GABRB1: variants seen among roughly 807,000 people sequenced by gnomAD.
The protein encoded by GABRB1 is gamma-aminobutyric acid receptor subunit beta-1.
In GABRB1, 17 loss-of-function variants were observed where a neutral mutation model predicts 51.6. The ratio of observed to expected loss-of-function variants is 0.33; its 90% CI spans 0.23 to 0.49. GABRB1 has a LOEUF of 0.49. Among genes scored for constraint, GABRB1 ranks in the 20% least tolerant of loss-of-function variants. The pLI is 0.99. For missense variants in GABRB1, 410 were observed against 600.6 expected (o/e 0.68, Z 3.32); for synonymous variants, 247 against 218.9 (o/e 1.13, Z -1.14).
intron 8 of GABRB1, among the ~76,000 whole-genome samples, chr4:47,418,007 G>A (rs1728983676): frequency 6.6e-6 from 1 of 152,158 alleles, no homozygotes; most frequent in Admixed American, 6.5e-5. Context: ...TGAGTGAGAT[G>A]GAAGGGGTGG....
intron 3 of GABRB1, among the ~76,000 whole-genome samples, chr4:47,146,315 T>C (rs1486901602): frequency 6.6e-6 from 1 of 152,024 alleles, no homozygotes; most frequent in African/African-American, 2.4e-5. Context: ...TCCCCCTCTC[T>C]CTCCCCCTTT....
intron 5 of GABRB1, among the ~76,000 whole-genome samples, chr4:47,358,998 T>C (rs1726698751): frequency 6.6e-6 from 1 of 152,092 alleles, no homozygotes; most frequent in African/African-American, 2.4e-5. Context: ...AGCTTAGGGA[T>C]GATGATGCCC....
chr4:47,183,840 C>G (rs1719057874), intron 4 of GABRB1, among the ~76,000 whole-genome samples: 1 of 151,796 alleles, frequency 6.6e-6, no homozygotes, highest in African/African-American at 2.4e-5. Flanking sequence ...TACCATAGAC[C>G]ACTTAATTTC....
intron 3 of GABRB1, among the ~76,000 whole-genome samples, chr4:47,120,867 T>C (rs1715746520): frequency 6.6e-6 from 1 of 151,936 alleles, no homozygotes; most frequent in Non-Finnish European, 1.5e-5. Flanking sequence ...TCCTTTTTAC[T>C]CTCCCCTCTC....
chr4:47,425,923 A>G lies in GABRB1; in HGVS notation c.1330A>G (p.Thr444Ala). The change falls in exon 9 of 9, where the codon ACT becomes GCT. Residue 444 changes from threonine (T) to alanine (A), a missense_variant. Coordinates refer to ENST00000295454, the MANE Select transcript of GABRB1 (RefSeq NM_000812.4). ...GCTCAAAGTCAAGATCCCCGACTTGACTGATGTGAATTCCATAGACAAGTG... is the reference window on the plus strand; with the variant it reads ...GCTCAAAGTCAAGATCCCCGACTTGGCTGATGTGAATTCCATAGACAAGTG... Reference protein sequence around the residue: ...SQLKVKIPDLTDVNSIDKWSR... With the variant: ...SQLKVKIPDLADVNSIDKWSR... 1 of 1,614,086 alleles carries G rather than the reference A, an allele frequency of 6.2e-7. No homozygotes were observed. Among genetic ancestry groups the G allele is most frequent in the Non-Finnish European group, 8.5e-7 (1 of 1,179,968 alleles).
chr4:47,209,180 C>T (rs1465995102), intron 4 of GABRB1, among the ~76,000 whole-genome samples: 1 of 152,110 alleles, frequency 6.6e-6, no homozygotes, highest in African/African-American at 2.4e-5. Context: ...GATAGCAATG[C>T]TCAAATTTGC....
At chr4:47,096,727 T>A (rs931989797) in intron 3 of GABRB1, among the ~76,000 whole-genome samples, 1 of 152,174 alleles carries the variant, frequency 6.6e-6, no homozygotes, top group Non-Finnish European at 1.5e-5. Flanking sequence ...AGGGAATATG[T>A]GACAATGGAA....
intron 4 of GABRB1, among the ~76,000 whole-genome samples, chr4:47,246,712 A>G (rs929578000): frequency 1.3e-5 from 2 of 151,886 alleles, no homozygotes; most frequent in African/African-American, 4.8e-5. Flanking sequence ...TTGTTTGATT[A>G]TGATCATTCT....
intron 3 of GABRB1, among the ~76,000 whole-genome samples, chr4:47,049,419 G>T (rs535911615): frequency 6.6e-5 from 10 of 152,058 alleles, no homozygotes; most frequent in Non-Finnish European, 1.3e-4. Context: ...CAATTTTTGG[G>T]TAGAGAAAGA....
rs539200996 is a variant in GABRB1, at chr4:47,308,771, C to T, written c.462-11356C>T. ...TATCCTGTACTTACTGATTCCAAGT[C>T]AGAGCATTCCATTCCAGGTAAACAT... On this transcript the variant is annotated intron_variant, in intron 4 of 8. Transcript: ENST00000295454. 2.6e-5 allele frequency among the ~76,000 whole-genome samples: 4 copies of T among 152,194 alleles called. No homozygotes were observed. The South Asian group carries it at 6.2e-4, about 24-fold the overall frequency.
intron 4 of GABRB1, among the ~76,000 whole-genome samples, chr4:47,298,650 A>T (rs182247766): frequency 0.012 from 1,770 of 152,328 alleles, 22 homozygotes; most frequent in Non-Finnish European, 0.016. Flanking sequence ...TATCGTAAAA[A>T]TGGCCATGCT....
At position 47,426,010 on chromosome 4, in the gene GABRB1, G is replaced by A. The variant is rs1729281186; in HGVS notation, c.1417G>A (p.Val473Ile). The change falls in exon 9 of 9, where the codon GTA becomes ATA. Residue 473 changes from valine (V) to isoleucine (I), a missense_variant. Around this residue, in one of 5 missense-constraint regions of GABRB1, gnomAD observed 181 missense variants for 195.6 expected, o/e 0.93. Transcript: ENST00000295454. ...LFNVVYWLYY[V>I]H ...TAATGTCGTCTATTGGCTTTACTATGTACACTGAGGTCTGTTCTAATGGTT... is the reference window on the plus strand; with the variant it reads ...TAATGTCGTCTATTGGCTTTACTATATACACTGAGGTCTGTTCTAATGGTT... 4.4e-6 allele frequency: 7 copies of A among 1,582,634 alleles called. No individual in the cohort carries two copies. The highest frequency in any genetic ancestry group is 6.0e-6 in the Non-Finnish European group (7 of 1,162,310).
chr4:47,265,283 T>C (rs2109885097), intron 4 of GABRB1, among the ~76,000 whole-genome samples: 1 of 152,304 alleles, frequency 6.6e-6, no homozygotes, highest in East Asian at 1.9e-4. Flanking sequence ...CATATTTCAT[T>C]GTTTTTTATG....
At chr4:47,403,801 T>C in intron 7 of GABRB1, 90 bp downstream of exon 7, 3 of 1,275,024 alleles carry the variant, frequency 2.4e-6, no homozygotes, top group Admixed American at 2.2e-5. Context: ...GGCTCTCTTA[T>C]AGCAAGCCAA....
intron 1 of GABRB1, among the ~76,000 whole-genome samples, chr4:47,015,650 A>G (rs2109444996): frequency 6.6e-6 from 1 of 152,340 alleles, no homozygotes; most frequent in African/African-American, 2.4e-5. Flanking sequence ...CAATAATTGG[A>G]AAGTATTGCC....
chr4:47,368,549 A>G (rs909637903), intron 5 of GABRB1, among the ~76,000 whole-genome samples: 2 of 152,152 alleles, frequency 1.3e-5, no homozygotes, highest in Non-Finnish European at 2.9e-5. Flanking sequence ...TCTAATGGTG[A>G]TAACACTAAG....
At chr4:47,059,366 C>T (rs1726752431) in intron 3 of GABRB1, among the ~76,000 whole-genome samples, 1 of 152,102 alleles carries the variant, frequency 6.6e-6, no homozygotes. Context: ...GAGAAGGAGT[C>T]TTGTTACATT....
chr4:47,223,291 T>C (rs1185874048), intron 4 of GABRB1, among the ~76,000 whole-genome samples: 1 of 152,154 alleles, frequency 6.6e-6, no homozygotes, highest in Non-Finnish European at 1.5e-5. Context: ...TCTACGCTAG[T>C]ATTTTTCATT....
intron 4 of GABRB1, among the ~76,000 whole-genome samples, chr4:47,196,549 C>T (rs1339873663): frequency 6.6e-6 from 1 of 152,150 alleles, no homozygotes; most frequent in African/African-American, 2.4e-5. Context: ...AGATTTTTCC[C>T]TCCCTGAACA....
Sources: allele counts gnomAD v4.1 joint callset (sites outside exome capture counted in the v4.1 genomes callset), GRCh38; gene constraint gnomAD v4.1.1; regional missense constraint gnomAD v4.1.1; transcripts MANE v1.5; gene names NCBI Gene and HGNC (gene_info 2026-07-23, HGNC 2026-07-21).